The following RAB3GAP2 variants were observed in gnomAD, a reference collection of about 807,000 sequenced individuals.
The protein encoded by RAB3GAP2 is rab3 GTPase-activating protein non-catalytic subunit.
In RAB3GAP2, 87 loss-of-function variants were observed where a neutral mutation model predicts 185.3. The ratio of observed to expected loss-of-function variants is 0.47; its 90% CI spans 0.39 to 0.56. The LOEUF is 0.56. Among genes scored for constraint, RAB3GAP2 ranks in the 20% least tolerant of loss-of-function variants. The probability of loss-of-function intolerance (pLI) is 0.00; values close to 1 mark genes in which losing one functional copy is unlikely to be tolerated. For synonymous variants in RAB3GAP2, 554 were observed against 576.1 expected (o/e 0.96, Z 0.55); for missense variants, 1,492 against 1,638.2 (o/e 0.91, Z 1.54).
intron 1 of RAB3GAP2, among the ~76,000 whole-genome samples, chr1:220,240,035 G>C (rs929463273): frequency 1.3e-5 from 2 of 149,068 alleles, no homozygotes; most frequent in South Asian, 4.2e-4. Context: ...TGTGTCTGTA[G>C]TCTATTATGC....
chr1:220,220,884 C>A lies in RAB3GAP2; in HGVS notation c.181-6905G>T, dbSNP rs949034336. 6.6e-5 allele frequency among the ~76,000 whole-genome samples: 10 copies of A among 152,296 alleles called. No individual in the cohort carries two copies. In the East Asian group the frequency reaches 1.9e-3, roughly 29 times the overall value. On this transcript the variant is annotated intron_variant, in intron 2 of 34. Coordinates refer to ENST00000358951, the MANE Select transcript of RAB3GAP2 (RefSeq NM_012414.4). ...CACGTGGAAGTGTAAGTCCAATAAA[C>A]CTCTTTCTTTTGTAAATTGCCCAGT... is the stretch of plus-strand genomic sequence containing the variant.
At chr1:220,231,843 T>C (rs1264439458) in intron 2 of RAB3GAP2, among the ~76,000 whole-genome samples, 2 of 152,226 alleles carry the variant, frequency 1.3e-5, no homozygotes, top group East Asian at 1.9e-4. Flanking sequence ...CATCTGTGAA[T>C]GAAACAGGCA....
chr1:220,224,958 A>G (rs760338132), intron 2 of RAB3GAP2, among the ~76,000 whole-genome samples: 1 of 152,302 alleles, frequency 6.6e-6, no homozygotes, highest in Admixed American at 6.5e-5. Flanking sequence ...GTCAGGTCCC[A>G]GGCTCCCTTT....
chr1:220,172,554 T>A, intron 22 of RAB3GAP2, 83 bp downstream of exon 22: 1 of 913,468 alleles, frequency 1.1e-6, no homozygotes, highest in South Asian at 1.4e-5. Context: ...CTCCTTTTGT[T>A]AAGGGATCCT....
intron 1 of RAB3GAP2, among the ~76,000 whole-genome samples, chr1:220,259,334 A>G (rs184135038): frequency 1.2e-4 from 18 of 152,320 alleles, no homozygotes; most frequent in African/African-American, 4.3e-4. Flanking sequence ...TTCAAACTAT[A>G]CTGCAAGCTA....
intron 1 of RAB3GAP2, among the ~76,000 whole-genome samples, chr1:220,233,265 C>A (rs1233976235): frequency 6.6e-6 from 1 of 152,168 alleles, no homozygotes; most frequent in African/African-American, 2.4e-5. Flanking sequence ...TAAAATTTCA[C>A]AGATGTCTTA....
chr1:220,209,683 T>C (rs868763915), intron 7 of RAB3GAP2, among the ~76,000 whole-genome samples: 1 of 152,184 alleles, frequency 6.6e-6, no homozygotes, highest in Non-Finnish European at 1.5e-5. Context: ...GCAAATTAAA[T>C]TAACAAATGC....
intron 6 of RAB3GAP2, 61 bp downstream of exon 6, chr1:220,210,740 T>C (rs1659067046): frequency 6.9e-7 from 1 of 1,455,304 alleles, no homozygotes; most frequent in Non-Finnish European, 9.6e-7. Flanking sequence ...AGTATAAAGG[T>C]GATGCATAAC....
intron 2 of RAB3GAP2, among the ~76,000 whole-genome samples, chr1:220,215,561 T>C (rs1481213303): frequency 1.3e-5 from 2 of 152,200 alleles, no homozygotes; most frequent in East Asian, 1.9e-4. Context: ...TCCCTTCCTT[T>C]GTAGATTTCC....
intron 1 of RAB3GAP2, among the ~76,000 whole-genome samples, chr1:220,270,076 C>G (rs1044402066): frequency 6.6e-6 from 1 of 152,314 alleles, no homozygotes; most frequent in Admixed American, 6.5e-5. Context: ...GTTACCTCCA[C>G]CTTCTCAAAA....
chr1:220,226,432 T>TAA (rs199540486), intron 2 of RAB3GAP2, among the ~76,000 whole-genome samples: 14 of 143,444 alleles, frequency 9.8e-5, no homozygotes, highest in South Asian at 4.4e-4. Flanking sequence ...ATAATACTCT[T>TAA]AAAAAAAAAA....
intron 1 of RAB3GAP2, among the ~76,000 whole-genome samples, chr1:220,256,937 G>A (rs553283733): frequency 6.6e-6 from 1 of 152,238 alleles, no homozygotes; most frequent in Admixed American, 6.5e-5. Context: ...AAATTCAACT[G>A]CATATGCATT....
intron 7 of RAB3GAP2, among the ~76,000 whole-genome samples, chr1:220,209,864 C>T (rs1268811076): frequency 6.6e-6 from 1 of 152,170 alleles, no homozygotes; most frequent in Non-Finnish European, 1.5e-5. Context: ...TGTTACAAGG[C>T]ACCTAAGAAG....
chr1:220,255,724 A>G (rs1428426179), intron 1 of RAB3GAP2, among the ~76,000 whole-genome samples: 1 of 152,206 alleles, frequency 6.6e-6, no homozygotes, highest in African/African-American at 2.4e-5. Context: ...GTCAGACAAG[A>G]ATAGAGGGAA....
intron 1 of RAB3GAP2, among the ~76,000 whole-genome samples, chr1:220,250,122 C>T (rs565021001): frequency 1.2e-4 from 18 of 152,150 alleles, no homozygotes; most frequent in African/African-American, 3.4e-4. Context: ...CACCATGCAC[C>T]GGGAAAAGCC....
chr1:220,166,123 T>C (rs1187013748), intron 26 of RAB3GAP2, among the ~76,000 whole-genome samples: 1 of 152,238 alleles, frequency 6.6e-6, no homozygotes, highest in Non-Finnish European at 1.5e-5. Context: ...AGAGGGTGAT[T>C]TGAAGGGCAT....
Position 220,162,181 on chromosome 1 carries a change from A to G in RAB3GAP2, c.3225+17T>C. The G allele has an allele frequency of 6.6e-7, 1 of 1,504,628 alleles. No homozygotes were observed. The highest frequency in any genetic ancestry group is 9.3e-7 in the Non-Finnish European group (1 of 1,080,958). The allele number at this position is 1,504,628 out of a possible 1,614,324, so 93.2% of individuals were successfully genotyped here. A position where few individuals can be genotyped will look rare whatever the true frequency, so the allele number is the denominator to read the frequency against. Reference sequence around the variant, plus strand: ...AGAATCAAATAAATAAGAAGTCAATACATGAAACTACCTTACCTTATCCAT... The same window carrying G: ...AGAATCAAATAAATAAGAAGTCAATGCATGAAACTACCTTACCTTATCCAT... On this transcript the variant is annotated intron_variant, in intron 28 of 34. Transcript: ENST00000358951.
rs762956036 is a variant in RAB3GAP2 at position 220,167,496 on chromosome 1, T to C, written c.2980+6A>G. The C allele has an allele frequency of 6.2e-7, 1 of 1,614,142 alleles. No homozygotes were observed. The highest frequency in any genetic ancestry group is 1.1e-5 in the South Asian group (1 of 91,086). On this transcript the variant is annotated splice_donor_region_variant and intron_variant, in intron 25 of 34. Coordinates refer to ENST00000358951, the MANE Select transcript of RAB3GAP2 (RefSeq NM_012414.4). ...GATTTCATATTTCTCATTATTTGTG[T>C]ATCACCTGGTATGGCTCCTAAGTCC...
chr1:220,184,872 T>C (rs1658480603), intron 18 of RAB3GAP2, among the ~76,000 whole-genome samples: 1 of 152,096 alleles, frequency 6.6e-6, no homozygotes, highest in Non-Finnish European at 1.5e-5. Context: ...AGTTCACTAT[T>C]TGCCAATGTC....
Sources: gnomAD v4.1 joint callset for allele counts (sites outside exome capture counted in the v4.1 genomes callset) on GRCh38, gnomAD v4.1.1 for gene constraint, MANE v1.5 for transcripts, NCBI Gene and HGNC (gene_info 2026-07-23, HGNC 2026-07-21) for gene names.